Variants in CXXC5 observed in about 807,000 individuals in gnomAD.
CXXC5 encodes CXXC-type zinc finger protein 5.
Under a neutral mutation model 17.6 loss-of-function variants are expected in CXXC5, and 2 were observed. The observed-to-expected ratio is 0.11, with a 90% CI of 0.05 to 0.36. The LOEUF (loss-of-function observed/expected upper bound fraction) is 0.36. Ranked by LOEUF, CXXC5 falls within the 10% of genes least tolerant of loss-of-function variation. CXXC5 has a pLI of 1.00. For synonymous variants in CXXC5, 171 were observed against 193.0 expected (o/e 0.89, Z 0.94); for missense variants, 343 against 458.3 (o/e 0.75, Z 2.30).
rs1405368722 is a variant in CXXC5, at chr5:139,683,248, G to C, written c.*341G>C. ...CGATGTCGATGTTGTCTGTGCAGGA[G>C]ATGCAGTTTTTGTGTAGAGAATGTA... On this transcript the variant is annotated 3_prime_UTR_variant, in exon 3 of 3. Transcript: ENST00000302517. The C allele has an allele frequency of 4.6e-6, 1 of 218,930 alleles. No homozygotes were observed. The highest frequency in any genetic ancestry group is 9.7e-5 in the East Asian group (1 of 10,294). The allele number at this position is 218,930 out of a possible 1,614,324, so 13.6% of individuals were successfully genotyped here. A position where few individuals can be genotyped will look rare whatever the true frequency, so the allele number is the denominator to read the frequency against.
At chr5:139,678,828 C>T (rs1757016745) in intron 1 of CXXC5, among the ~76,000 whole-genome samples, 1 of 152,230 alleles carries the variant, frequency 6.6e-6, no homozygotes, top group Admixed American at 6.5e-5. Flanking sequence ...CCTTGAGCCT[C>T]CAGCTGCTCT....
intron 1 of CXXC5, among the ~76,000 whole-genome samples, chr5:139,677,220 G>A (rs1005282709): frequency 5.3e-5 from 8 of 152,004 alleles, no homozygotes; most frequent in South Asian, 2.1e-4. Context: ...GCCCGCCGCC[G>A]CCCGCCTGCC....
Position 139,680,508 on chromosome 5 carries a change from G to C in CXXC5, c.-16G>C. On this transcript the variant is annotated 5_prime_UTR_variant, in exon 2 of 3. Coordinates refer to ENST00000302517, the MANE Select transcript of CXXC5 (RefSeq NM_016463.9). Reference sequence around the variant, plus strand: ...GCAGGCTCCCTCTGCAGTGGGGTCTGGGCCTCGGCCCCACCATGTCGAGCC... The same window carrying C: ...GCAGGCTCCCTCTGCAGTGGGGTCTCGGCCTCGGCCCCACCATGTCGAGCC... 2 of 1,544,440 alleles carry C rather than the reference G, an allele frequency of 1.3e-6. No homozygotes were observed. Among genetic ancestry groups the C allele is most frequent in the Non-Finnish European group, 1.7e-6 (2 of 1,146,890 alleles).
chr5:139,658,697 G>A lies in CXXC5; in HGVS notation c.-161+9852G>A, dbSNP rs1317997936. Among the ~76,000 whole-genome samples, 1 of 152,244 alleles carries A rather than the reference G, an allele frequency of 6.6e-6. No homozygotes were observed. Among genetic ancestry groups the A allele is most frequent in the Non-Finnish European group, 1.5e-5 (1 of 68,040 alleles). On this transcript the variant is annotated intron_variant, in intron 1 of 2. Transcript: ENST00000302517. This position sits in a 1 kb window ranked among gnomAD's most constrained non-coding sequence, Gnocchi z 4.1. ...TTCCAGCAACAGCCGGCAGGGCCGG[G>A]CGGCTTCCCAGCTCCCCCTCTGACT...
Position 139,648,462 on chromosome 5 carries a change from AT to A in CXXC5, c.-543del, listed in dbSNP as rs1203744470. 5 of 153,006 alleles carry A rather than the reference AT, an allele frequency of 3.3e-5. No individual in the cohort carries two copies. The highest frequency in any genetic ancestry group is 5.8e-5 in the Non-Finnish European group (4 of 68,484). 9.5% of individuals were successfully genotyped at this position (153,006 alleles called of 1,614,324 possible). A position where few individuals can be genotyped will look rare whatever the true frequency, so the allele number is the denominator to read the frequency against. ...CGAGCGAGAAGAGCGGCAGAGCCTTATCCCCTGAAGCCGGGCCCCGCGTCCC... is the reference window on the plus strand; with the variant it reads ...CGAGCGAGAAGAGCGGCAGAGCCTTACCCCTGAAGCCGGGCCCCGCGTCCC... On this transcript the variant is annotated 5_prime_UTR_variant, in exon 1 of 3. Coordinates refer to ENST00000302517, the MANE Select transcript of CXXC5 (RefSeq NM_016463.9).
Position 139,680,474 on chromosome 5 carries a change from C to T in CXXC5, c.-50C>T, listed in dbSNP as rs11553671. 68 of 1,513,348 alleles carry T rather than the reference C, an allele frequency of 4.5e-5. No homozygotes were observed. In the African/African-American group the frequency reaches 6.6e-4, roughly 15 times the overall value. The allele number at this position is 1,513,348 out of a possible 1,614,324, so 93.7% of individuals were successfully genotyped here. A position where few individuals can be genotyped will look rare whatever the true frequency, so the allele number is the denominator to read the frequency against. ...GGCCAGGTCCTGGTCTGTGGACCCT[C>T]GGCAGTTGGCAGGCTCCCTCTGCAG... On this transcript the variant is annotated 5_prime_UTR_variant, in exon 2 of 3. Coordinates refer to ENST00000302517, the MANE Select transcript of CXXC5 (RefSeq NM_016463.9).
intron 1 of CXXC5, among the ~76,000 whole-genome samples, chr5:139,669,261 G>A (rs1264664957): frequency 6.6e-5 from 10 of 152,188 alleles, no homozygotes; most frequent in African/African-American, 2.2e-4. Context: ...CCCGCCTGCC[G>A]TAATGATTTT....
rs202031740 is a variant in CXXC5 at position 139,680,662 on chromosome 5, G to A, written c.139G>A (p.Ala47Thr). The change falls in exon 2 of 3, where the codon GCC becomes ACC. Residue 47 changes from alanine to threonine, a missense_variant. Ala to Thr is a moderately conservative substitution (Grantham distance 58). Around this residue, in one of 4 missense-constraint regions of CXXC5, gnomAD observed 297 missense variants for 363.4 expected, o/e 0.82. Transcript: ENST00000302517. ...TGCAGTGGTGGCTGCCGCCGCACCA[G>A]CCTCAGTGGCAGATGACACACCACC... ...KSAVVAAAAP[A>T]SVADDTPPPE... 2.3e-5 allele frequency: 37 copies of A among 1,613,186 alleles called. No individual in the cohort carries two copies. The East Asian group carries it at 7.4e-4, about 32-fold the overall frequency.
At chr5:139,649,333 A>C (rs1755033435) in intron 1 of CXXC5, 2 of 150,590 alleles carry the variant, frequency 1.3e-5, no homozygotes, top group South Asian at 2.1e-4. Flanking sequence ...CGGGGTCCTC[A>C]CCTCTTGGCG....
Position 139,668,499 on chromosome 5 carries a change from C to T in CXXC5, c.-160-11865C>T, listed in dbSNP as rs887300800. 6.6e-6 allele frequency among the ~76,000 whole-genome samples: 1 copy of T among 151,820 alleles called. No homozygotes were observed. Among genetic ancestry groups the T allele is most frequent in the Non-Finnish European group, 1.5e-5 (1 of 67,868 alleles). ...CACTGCCCGCTCCAGGCCCGCTGCC[C>T]GCTCCAGGCCCGAGGTGATGGCGGC... On this transcript the variant is annotated intron_variant, in intron 1 of 2. Coordinates refer to ENST00000302517, the MANE Select transcript of CXXC5 (RefSeq NM_016463.9). This position sits in a 1 kb window ranked among gnomAD's most constrained non-coding sequence, Gnocchi z 4.1.
At chr5:139,682,091 G>C (rs1010293132) in intron 2 of CXXC5, among the ~76,000 whole-genome samples, 1 of 152,162 alleles carries the variant, frequency 6.6e-6, no homozygotes, top group Non-Finnish European at 1.5e-5. Flanking sequence ...CTTGGAGAAG[G>C]CAAGGGGTTC....
intron 1 of CXXC5, chr5:139,650,927 A>G (rs957829420): frequency 2.0e-5 from 3 of 151,076 alleles, no homozygotes; most frequent in Non-Finnish European, 4.4e-5. Flanking sequence ...TGCAGCTGTC[A>G]CCCCCCTCCC....
At chr5:139,666,550 A>C (rs1756123929) in intron 1 of CXXC5, among the ~76,000 whole-genome samples, 1 of 152,200 alleles carries the variant, frequency 6.6e-6, no homozygotes, top group Non-Finnish European at 1.5e-5. Context: ...CTGGGGCAAG[A>C]ATGGCCAGGC....
chr5:139,673,854 A>AAG (rs1554084638), intron 1 of CXXC5, among the ~76,000 whole-genome samples: 1 of 146,880 alleles, frequency 6.8e-6, no homozygotes, highest in African/African-American at 2.5e-5. Flanking sequence ...AAAAAAAAAA[A>AAG]AGAGAGAGAG....
At chr5:139,681,585 G>A (rs2126830978) in intron 2 of CXXC5, 138 bp downstream of exon 2, 2 of 1,090,214 alleles carry the variant, frequency 1.8e-6, no homozygotes, top group Non-Finnish European at 2.6e-6. Context: ...GGGGCCTGGG[G>A]GTCTGGCTTC....
chr5:139,650,587 G>T (rs1477414019), intron 1 of CXXC5, among the ~76,000 whole-genome samples: 1 of 152,208 alleles, frequency 6.6e-6, no homozygotes, highest in African/African-American at 2.4e-5. Context: ...AGCGCGATTT[G>T]AACGCCCGGC....
chr5:139,647,932 A>G (rs1181082544), upstream of CXXC5: 1 of 151,668 alleles, frequency 6.6e-6, no homozygotes, highest in Non-Finnish European at 1.5e-5. Flanking sequence ...GCGCGGCCAA[A>G]TTCTCCCTCC....
chr5:139,656,974 C>T (rs1755527914), intron 1 of CXXC5, among the ~76,000 whole-genome samples: 1 of 152,224 alleles, frequency 6.6e-6, no homozygotes, highest in Non-Finnish European at 1.5e-5. Context: ...ATTCACCTGC[C>T]TCGGCCTCCC....
chr5:139,648,437 C>A lies in CXXC5; in HGVS notation c.-569C>A. On this transcript the variant is annotated 5_prime_UTR_variant, in exon 1 of 3. Transcript: ENST00000302517. Reference sequence around the variant, plus strand: ...TGGCGGCAAGAGCAGACGCCCGAGCCGAGCGAGAAGAGCGGCAGAGCCTTA... The same window carrying A: ...TGGCGGCAAGAGCAGACGCCCGAGCAGAGCGAGAAGAGCGGCAGAGCCTTA... 1 of 153,622 alleles carries A rather than the reference C, an allele frequency of 6.5e-6. No individual in the cohort carries two copies. Among genetic ancestry groups the A allele is most frequent in the South Asian group, 1.8e-4 (1 of 5,604 alleles). 9.5% of individuals were successfully genotyped at this position (153,622 alleles called of 1,614,324 possible). A position where few individuals can be genotyped will look rare whatever the true frequency, so the allele number is the denominator to read the frequency against.
Sources: gnomAD v4.1 joint callset for allele counts (sites outside exome capture counted in the v4.1 genomes callset) on GRCh38, gnomAD v4.1.1 for gene constraint, gnomAD v4.1.1 regional missense constraint, Gnocchi (gnomAD v3.1) non-coding constraint, MANE v1.5 for transcripts, NCBI Gene and HGNC (gene_info 2026-07-23, HGNC 2026-07-21) for gene names.